NEDD4L: variants seen among roughly 807,000 people sequenced by gnomAD.
NEDD4L encodes E3 ubiquitin-protein ligase NEDD4-like.
NEDD4L carries 54 observed loss-of-function variants against 148.9 expected under a neutral mutation model. The observed-to-expected ratio is 0.36, with a 90% CI of 0.29 to 0.45. The LOEUF (loss-of-function observed/expected upper bound fraction) is 0.45. NEDD4L is among the 20% of genes least tolerant of loss of function. NEDD4L has a pLI of 1.00. For synonymous variants in NEDD4L, 433 were observed against 440.7 expected (o/e 0.98, Z 0.22); for missense variants, 856 against 1,233.8 (o/e 0.69, Z 4.59).
chr18:58,371,259 T>C (rs927192454), intron 23 of NEDD4L, among the ~76,000 whole-genome samples: 4 of 150,810 alleles, frequency 2.7e-5, no homozygotes, highest in Admixed American at 1.3e-4. Flanking sequence ...TTCGCTATGT[T>C]GGCCAGGATG....
intron 2 of NEDD4L, among the ~76,000 whole-genome samples, chr18:58,180,424 G>A (rs930928651): frequency 6.6e-6 from 1 of 152,160 alleles, no homozygotes; most frequent in South Asian, 2.1e-4. Context: ...GCAAGGGCCA[G>A]CACCGAGTCC....
At position 58,256,165 on chromosome 18, in the gene NEDD4L, G is replaced by A. The variant is rs2048518991; in HGVS notation, c.297+4111G>A. The stretch of plus-strand genomic sequence containing the variant: ...ACGGCACGTGCGGCCGCCGCGTGCG[G>A]TGCTCCGGCCCCGTGGACTGCGCGG... On this transcript the variant is annotated intron_variant, in intron 5 of 30. Coordinates refer to ENST00000400345, the MANE Select transcript of NEDD4L (RefSeq NM_001144967.3). The surrounding 1 kb of genome is among the most constrained non-coding windows in gnomAD (Gnocchi z 5.2). 5.7e-6 allele frequency: 7 copies of A among 1,218,548 alleles called. No individual in the cohort carries two copies. Among genetic ancestry groups the A allele is most frequent in the Non-Finnish European group, 6.1e-6 (6 of 979,730 alleles). 75.5% of individuals were successfully genotyped at this position (1,218,548 alleles called of 1,614,324 possible).
rs117738177 is a variant in NEDD4L, at chr18:58,385,014, G to A, written c.2427-512G>A. On this transcript the variant is annotated intron_variant, in intron 25 of 30. Transcript: ENST00000400345. Reference sequence around the variant, plus strand: ...AATTATGAGTGCAAATCATTTTGCTGATAAAGCTTATATGTTATTGTTGAA... The same window carrying A: ...AATTATGAGTGCAAATCATTTTGCTAATAAAGCTTATATGTTATTGTTGAA... Among the ~76,000 whole-genome samples the A allele has an allele frequency of 5.6e-4, 86 of 152,328 alleles. 1 individual carries two copies. In the East Asian group the frequency reaches 0.015, roughly 27 times the overall value.
At chr18:58,333,789 A>G (rs1220792461) in intron 11 of NEDD4L, 29 bp from the exon 12 acceptor site, 1 of 1,563,260 alleles carries the variant, frequency 6.4e-7, no homozygotes, top group South Asian at 1.1e-5. Flanking sequence ...ATATTTCTTG[A>G]TGCTTCCTGT....
At chr18:58,185,011 A>C (rs2039308668) in intron 2 of NEDD4L, among the ~76,000 whole-genome samples, 1 of 152,028 alleles carries the variant, frequency 6.6e-6, no homozygotes, top group South Asian at 2.1e-4. Context: ...CCTGCGAGGG[A>C]GGGTGAATTA....
rs886125393 is a variant in NEDD4L at position 58,044,476 on chromosome 18, C to G, written c.-185C>G. The G allele has an allele frequency of 2.5e-4, 171 of 684,366 alleles. No homozygotes were observed. The highest frequency in any genetic ancestry group is 3.3e-4 in the Non-Finnish European group (160 of 491,918). The allele number at this position is 684,366 out of a possible 1,614,324, so 42.4% of individuals were successfully genotyped here. On this transcript the variant is annotated 5_prime_UTR_variant, in exon 1 of 31. Transcript: ENST00000400345. ...CGCAGCCTTCCGGGAGGAAGCGGTGCCGGCAGCGTCCAGGGCGCGCTCTCG... is the reference window on the plus strand; with the variant it reads ...CGCAGCCTTCCGGGAGGAAGCGGTGGCGGCAGCGTCCAGGGCGCGCTCTCG...
intron 5 of NEDD4L, among the ~76,000 whole-genome samples, chr18:58,281,090 G>A (rs781278412): frequency 2.6e-5 from 4 of 151,968 alleles, no homozygotes; most frequent in Non-Finnish European, 4.4e-5. Context: ...CGATCCTCCC[G>A]CCTCAGCCTC....
intron 11 of NEDD4L, among the ~76,000 whole-genome samples, chr18:58,333,275 A>G (rs2041262282): frequency 6.8e-6 from 1 of 147,556 alleles, no homozygotes; most frequent in Admixed American, 6.7e-5. Context: ...AAGACTCTAT[A>G]TTTAAAAAAA....
intron 1 of NEDD4L, among the ~76,000 whole-genome samples, chr18:58,147,998 T>C (rs967262912): frequency 6.6e-6 from 1 of 152,022 alleles, no homozygotes; most frequent in African/African-American, 2.4e-5. Context: ...TCAGGCCATG[T>C]GCCCAGGGGA....
intron 30 of NEDD4L, among the ~76,000 whole-genome samples, chr18:58,393,305 C>G (rs1215013167): frequency 6.6e-6 from 1 of 152,120 alleles, no homozygotes; most frequent in Admixed American, 6.5e-5. Flanking sequence ...ATCTAGAGAG[C>G]CTTAAAGAAA....
At chr18:58,241,915 C>T (rs774474901) in intron 2 of NEDD4L, among the ~76,000 whole-genome samples, 16 of 152,140 alleles carry the variant, frequency 1.1e-4, no homozygotes, top group Middle Eastern at 3.4e-3. Flanking sequence ...TTTTAATCTA[C>T]ATGTTCTTGC....
intron 8 of NEDD4L, 47 bp downstream of exon 8, chr18:58,323,381 C>A: frequency 2.0e-6 from 2 of 987,196 alleles, no homozygotes; most frequent in Non-Finnish European, 1.6e-6. Context: ...AGATCATATT[C>A]ATGTTTTGCT....
At position 58,238,429 on chromosome 18, in the gene NEDD4L, T is replaced by C. The variant is rs191168917; in HGVS notation, c.123-6998T>C. On this transcript the variant is annotated intron_variant, in intron 2 of 30. Transcript: ENST00000400345. ...GATAACTTTTTTATACTCATAAAAG[T>C]AGTACTTGCTTACAGTAGAAACTTA... Among the ~76,000 whole-genome samples the C allele has an allele frequency of 1.3e-4, 20 of 152,296 alleles. 1 individual carries two copies. The East Asian group carries it at 3.7e-3, about 28-fold the overall frequency.
intron 24 of NEDD4L, among the ~76,000 whole-genome samples, chr18:58,382,178 G>C (rs1447278623): frequency 1.3e-5 from 2 of 152,238 alleles, no homozygotes; most frequent in African/African-American, 4.8e-5. Context: ...ACAAGAGCCA[G>C]TGCGTGGAGA....
intron 5 of NEDD4L, among the ~76,000 whole-genome samples, chr18:58,284,389 T>C (rs997574481): frequency 1.4e-4 from 21 of 152,230 alleles, no homozygotes; most frequent in African/African-American, 4.6e-4. Flanking sequence ...AAGAGTAAAA[T>C]GTGTTAGTGG....
intron 2 of NEDD4L, among the ~76,000 whole-genome samples, chr18:58,204,368 T>C (rs1016877023): frequency 1.3e-5 from 2 of 152,222 alleles, no homozygotes; most frequent in Admixed American, 6.5e-5. Context: ...TAGATCTGTC[T>C]GTACCTTGTA....
At chr18:58,304,804 G>C (rs560843576) in intron 5 of NEDD4L, among the ~76,000 whole-genome samples, 1 of 152,318 alleles carries the variant, frequency 6.6e-6, no homozygotes, top group East Asian at 1.9e-4. Flanking sequence ...AGAGGGGATG[G>C]ATGAGGATAC....
chr18:58,397,680 A>G lies in NEDD4L; in HGVS notation c.*1411A>G, dbSNP rs1447008235. On this transcript the variant is annotated 3_prime_UTR_variant, in exon 31 of 31. Transcript: ENST00000400345. ...TGACTTGATCCTCTGAGCTCAAGCT[A>G]TTGAGCTGGTAGTGGCAGAGGACTG... 2.0e-5 allele frequency: 3 copies of G among 152,636 alleles called. No individual in the cohort carries two copies. The highest frequency in any genetic ancestry group is 7.2e-5 in the African/African-American group (3 of 41,468). The allele number at this position is 152,636 out of a possible 1,614,324, so 9.5% of individuals were successfully genotyped here. A position where few individuals can be genotyped will look rare whatever the true frequency, so the allele number is the denominator to read the frequency against.
At chr18:58,092,308 G>C (rs114224342) in intron 1 of NEDD4L, among the ~76,000 whole-genome samples, 2 of 152,336 alleles carry the variant, frequency 1.3e-5, no homozygotes, top group Non-Finnish European at 2.9e-5. Context: ...GTGATGGCAT[G>C]CTGCATTCAG....
Sources: gnomAD v4.1 joint callset for allele counts (sites outside exome capture counted in the v4.1 genomes callset) on GRCh38, gnomAD v4.1.1 for gene constraint, Gnocchi (gnomAD v3.1) non-coding constraint, MANE v1.5 for transcripts, NCBI Gene and HGNC (gene_info 2026-07-23, HGNC 2026-07-21) for gene names.